ULK4: variants seen among roughly 807,000 people sequenced by gnomAD.
ULK4 encodes the protein inactive serine/threonine-protein kinase ULK4.
In ULK4, 133 loss-of-function variants were observed where a neutral mutation model predicts 160.6. The ratio of observed to expected loss-of-function variants is 0.83; its 90% CI spans 0.72 to 0.96. ULK4 has a LOEUF of 0.96. ULK4 is among the 40% of genes least tolerant of loss of function. The pLI, the probability that ULK4 is intolerant of heterozygous loss-of-function variation, is 0.00. For missense variants in ULK4, 1,580 were observed against 1,499.5 expected (o/e 1.05, Z -0.89); for synonymous variants, 534 against 539.8 (o/e 0.99, Z 0.15).
At chr3:41,532,833 T>G (rs1217370726) in intron 32 of ULK4, among the ~76,000 whole-genome samples, 3 of 152,188 alleles carry the variant, frequency 2.0e-5, no homozygotes, top group African/African-American at 7.2e-5. Context: ...CATGTAGAGT[T>G]CCGATTCCAA....
At chr3:41,712,836 G>GAGCCTGATTGTGCCACTGCACTCC (rs2037147020) in intron 25 of ULK4, among the ~76,000 whole-genome samples, 1 of 151,980 alleles carries the variant, frequency 6.6e-6, no homozygotes, top group Non-Finnish European at 1.5e-5. Flanking sequence ...AGGTTGCAGT[G>GAGCCTGATTGTGCCACTGCACTCC]AGCCTGATTG....
intron 30 of ULK4, among the ~76,000 whole-genome samples, chr3:41,646,194 T>G (rs1699718677): frequency 1.3e-5 from 2 of 152,180 alleles, no homozygotes; most frequent in African/African-American, 4.8e-5. Context: ...CCATTTACAT[T>G]TAAAGTTAAT....
intron 35 of ULK4, among the ~76,000 whole-genome samples, chr3:41,381,070 T>C (rs1268062625): frequency 6.6e-6 from 1 of 152,160 alleles, no homozygotes; most frequent in Non-Finnish European, 1.5e-5. Context: ...GAACACCTTC[T>C]ACTCTTACCT....
At chr3:41,669,878 C>A (rs1021726993) in intron 29 of ULK4, among the ~76,000 whole-genome samples, 5 of 151,936 alleles carry the variant, frequency 3.3e-5, no homozygotes, top group African/African-American at 1.2e-4. Flanking sequence ...TGGGGACAGA[C>A]AGGTTCCAAA....
chr3:41,432,614 T>C (rs1231878701), intron 34 of ULK4, among the ~76,000 whole-genome samples: 1 of 152,188 alleles, frequency 6.6e-6, no homozygotes, highest in African/African-American at 2.4e-5. Context: ...AGATGATATT[T>C]TCATAGAAGA....
chr3:41,666,709 T>C (rs1032800160), intron 29 of ULK4, among the ~76,000 whole-genome samples: 1 of 152,194 alleles, frequency 6.6e-6, no homozygotes, highest in Non-Finnish European at 1.5e-5. Flanking sequence ...CAAGTGACTG[T>C]CTTATTCACA....
intron 31 of ULK4, among the ~76,000 whole-genome samples, chr3:41,596,757 A>G (rs2031722489): frequency 6.6e-6 from 1 of 152,176 alleles, no homozygotes; most frequent in South Asian, 2.1e-4. Flanking sequence ...ACATTAGAAG[A>G]CAGCTGAGGT....
At chr3:41,316,497 G>A (rs1484665726) in intron 35 of ULK4, among the ~76,000 whole-genome samples, 2 of 152,200 alleles carry the variant, frequency 1.3e-5, no homozygotes, top group African/African-American at 4.8e-5. Context: ...ATAATCCTAA[G>A]CAAATTAATG....
chr3:41,335,783 C>G (rs1240203306), intron 35 of ULK4, among the ~76,000 whole-genome samples: 1 of 151,996 alleles, frequency 6.6e-6, no homozygotes, highest in Non-Finnish European at 1.5e-5. Context: ...ATTCTCATCT[C>G]AAATTATTTA....
At chr3:41,456,340 C>G (rs1250338490) in intron 33 of ULK4, among the ~76,000 whole-genome samples, 1 of 152,208 alleles carries the variant, frequency 6.6e-6, no homozygotes, top group Admixed American at 6.5e-5. Context: ...CAGGCTGACT[C>G]CAAGTCACAA....
intron 2 of ULK4, among the ~76,000 whole-genome samples, chr3:41,953,011 A>G (rs1250002507): frequency 6.6e-6 from 1 of 152,088 alleles, no homozygotes; most frequent in Non-Finnish European, 1.5e-5. Context: ...AGAGACAAAA[A>G]GTAGAATGAT....
chr3:41,843,941 A>G (rs2042001701), intron 17 of ULK4, among the ~76,000 whole-genome samples: 1 of 152,024 alleles, frequency 6.6e-6, no homozygotes, highest in African/African-American at 2.4e-5. Context: ...TGTCTGCACA[A>G]AGGTTCTCCA....
At chr3:41,609,726 C>T (rs2032572691) in intron 31 of ULK4, among the ~76,000 whole-genome samples, 1 of 152,174 alleles carries the variant, frequency 6.6e-6, no homozygotes, top group South Asian at 2.1e-4. Context: ...AATCCCAACA[C>T]TTTGGAAGGC....
Position 41,921,439 on chromosome 3 carries a change from G to A in ULK4, c.542-1621C>T, listed in dbSNP as rs367732020. On this transcript the variant is annotated intron_variant, in intron 5 of 36. Coordinates refer to ENST00000301831, the MANE Select transcript of ULK4 (RefSeq NM_017886.4). ...AGCCTGGCTAACATGGTAAAACCCC[G>A]TCTCTCATAAAAAAAAATACAAAAA... Among the ~76,000 whole-genome samples the A allele has an allele frequency of 2.6e-3, 395 of 151,598 alleles. 2 individuals carry two copies. Among genetic ancestry groups the A allele is most frequent in the African/African-American group, 8.4e-3 (348 of 41,304 alleles).
chr3:41,743,750 C>G (rs979511619), intron 22 of ULK4, among the ~76,000 whole-genome samples: 2 of 151,888 alleles, frequency 1.3e-5, no homozygotes, highest in Admixed American at 6.5e-5. Flanking sequence ...CCTGCAACCT[C>G]CACCTCACAG....
intron 31 of ULK4, among the ~76,000 whole-genome samples, chr3:41,590,310 C>A (rs2031190947): frequency 6.6e-6 from 1 of 150,708 alleles, no homozygotes; most frequent in African/African-American, 2.4e-5. Flanking sequence ...CCCCCAAATG[C>A]AAGTTTTAAA....
intron 21 of ULK4, among the ~76,000 whole-genome samples, chr3:41,788,366 T>C (rs778603098): frequency 2.0e-5 from 3 of 152,188 alleles, no homozygotes; most frequent in Non-Finnish European, 4.4e-5. Flanking sequence ...ACCTTCATCA[T>C]GTTTTGCAAA....
intron 27 of ULK4, among the ~76,000 whole-genome samples, chr3:41,694,860 C>T (rs973870112): frequency 1.3e-5 from 2 of 152,054 alleles, no homozygotes; most frequent in African/African-American, 4.8e-5. Flanking sequence ...GATGTGGAAC[C>T]TGTGGATATG....
At chr3:41,813,026 G>A (rs2040862961) in intron 19 of ULK4, among the ~76,000 whole-genome samples, 1 of 152,068 alleles carries the variant, frequency 6.6e-6, no homozygotes, top group South Asian at 2.1e-4. Context: ...ACATTTTTTA[G>A]CTTACATAAT....
Sources: allele counts gnomAD v4.1 joint callset (sites outside exome capture counted in the v4.1 genomes callset), GRCh38; gene constraint gnomAD v4.1.1; transcripts MANE v1.5; gene names NCBI Gene and HGNC (gene_info 2026-07-23, HGNC 2026-07-21).